PTPRN2: variants seen among roughly 807,000 people sequenced by gnomAD.
PTPRN2 encodes the protein receptor-type tyrosine-protein phosphatase N2.
A neutral mutation model predicts 118.8 loss-of-function variants in PTPRN2; 74 were observed. That is an observed-to-expected ratio of 0.62 (90% CI 0.52 to 0.76). The LOEUF (loss-of-function observed/expected upper bound fraction) is 0.76. Ranked by LOEUF, PTPRN2 falls within the 30% of genes least tolerant of loss-of-function variation. PTPRN2 has a pLI of 0.00. For missense variants in PTPRN2, 1,481 were observed against 1,394.4 expected (o/e 1.06, Z -0.99); for synonymous variants, 641 against 608.0 (o/e 1.05, Z -0.80).
chr7:158,117,844 A>T (rs1440160531), intron 9 of PTPRN2, among the ~76,000 whole-genome samples: 2 of 152,326 alleles, frequency 1.3e-5, no homozygotes, highest in Admixed American at 6.5e-5. Flanking sequence ...AAAAGTGAAG[A>T]AGAAATTAAG....
At chr7:158,576,037 GTTC>G (rs2129451783) in intron 1 of PTPRN2, among the ~76,000 whole-genome samples, 1 of 152,170 alleles carries the variant, frequency 6.6e-6, no homozygotes, top group Non-Finnish European at 1.5e-5. Context: ...TTTAAAAAAT[GTTC>G]TCTGAGTTTG....
chr7:158,314,903 G>A (rs1424942526), intron 3 of PTPRN2, among the ~76,000 whole-genome samples: 6 of 150,298 alleles, frequency 4.0e-5, no homozygotes, highest in African/African-American at 7.3e-5. Context: ...AAGGACAGAG[G>A]TGAACCCGGG....
At position 158,448,154 on chromosome 7, in the gene PTPRN2, C is replaced by T. The variant is rs556169273; in HGVS notation, c.163+41581G>A. 1.6e-4 allele frequency among the ~76,000 whole-genome samples: 25 copies of T among 152,338 alleles called. 1 individual carries two copies. The South Asian group carries it at 4.8e-3, about 29-fold the overall frequency. On this transcript the variant is annotated intron_variant, in intron 2 of 22. Coordinates refer to ENST00000389418, the MANE Select transcript of PTPRN2 (RefSeq NM_002847.5). ...GAATCTCACAGGGAAGGCCACAGGC[C>T]AGGTCGGCAACAACATGCCCCCAGC...
intron 11 of PTPRN2, among the ~76,000 whole-genome samples, chr7:157,908,329 C>G (rs977293920): frequency 1.3e-5 from 2 of 152,232 alleles, no homozygotes; most frequent in Non-Finnish European, 2.9e-5. Context: ...TCTGTGGAAG[C>G]CACGTGTTGC....
chr7:158,030,799 G>A (rs1807632137), intron 11 of PTPRN2: 1 of 152,376 alleles, frequency 6.6e-6, no homozygotes, highest in Admixed American at 6.5e-5. Flanking sequence ...GGCCTGGAGA[G>A]CTTTGCACTG....
At chr7:157,901,928 C>T (rs559169478) in intron 11 of PTPRN2, among the ~76,000 whole-genome samples, 9 of 137,660 alleles carry the variant, frequency 6.5e-5, no homozygotes, top group Non-Finnish European at 1.2e-4. Context: ...GGGGCCTTCC[C>T]GTCCGTGTTT....
Position 157,908,991 on chromosome 7 carries a change from G to A in PTPRN2, c.1724-10254C>T, listed in dbSNP as rs191473374. On this transcript the variant is annotated intron_variant, in intron 11 of 22. Transcript: ENST00000389418. The stretch of plus-strand genomic sequence containing the variant: ...AAAACACCCCAACTTTATGAAGATC[G>A]TCATTAAACAATCTAATTAGTGACT... Among the ~76,000 whole-genome samples the A allele has an allele frequency of 1.8e-4, 27 of 152,040 alleles. No individual in the cohort carries two copies. In the East Asian group the frequency reaches 3.5e-3, roughly 20 times the overall value.
At chr7:158,346,798 C>A (rs1219876135) in intron 2 of PTPRN2, among the ~76,000 whole-genome samples, 2 of 152,236 alleles carry the variant, frequency 1.3e-5, no homozygotes, top group Non-Finnish European at 2.9e-5. Flanking sequence ...GCCATTCTAA[C>A]AGGTGTGATA....
intron 13 of PTPRN2, among the ~76,000 whole-genome samples, chr7:157,668,708 A>C (rs1796259876): frequency 6.6e-6 from 1 of 152,206 alleles, no homozygotes; most frequent in African/African-American, 2.4e-5. Context: ...GGTGGCTCGA[A>C]TGTAAAACGG....
intron 2 of PTPRN2, among the ~76,000 whole-genome samples, chr7:158,440,955 G>GGGGT (rs1817005262): frequency 6.8e-6 from 1 of 147,290 alleles, no homozygotes; most frequent in Admixed American, 6.6e-5. Context: ...TGATGGTGAT[G>GGGGT]GGGTAGTAGT....
intron 2 of PTPRN2, among the ~76,000 whole-genome samples, chr7:158,400,910 C>T (rs1490999444): frequency 6.6e-6 from 1 of 152,116 alleles, no homozygotes; most frequent in Admixed American, 6.5e-5. Context: ...CGCATTCCCC[C>T]AGATCCTGTA....
chr7:158,246,224 A>G (rs968315125), intron 3 of PTPRN2, among the ~76,000 whole-genome samples: 5 of 152,048 alleles, frequency 3.3e-5, no homozygotes, highest in Admixed American at 2.0e-4. Flanking sequence ...AATACCCCAC[A>G]TGAATAAAAT....
chr7:157,985,944 A>T (rs1333963850), intron 11 of PTPRN2, among the ~76,000 whole-genome samples: 5 of 152,196 alleles, frequency 3.3e-5, no homozygotes, highest in Non-Finnish European at 5.9e-5. Context: ...GGCTGACGAG[A>T]CCCGGCCTCG....
chr7:157,651,350 A>G (rs975399679), intron 14 of PTPRN2, among the ~76,000 whole-genome samples: 6 of 152,216 alleles, frequency 3.9e-5, no homozygotes, highest in African/African-American at 1.4e-4. Flanking sequence ...GCGAACTCAA[A>G]GATCACTGTC....
At chr7:157,841,507 G>A (rs1808418250) in intron 12 of PTPRN2, among the ~76,000 whole-genome samples, 1 of 152,158 alleles carries the variant, frequency 6.6e-6, no homozygotes, top group Non-Finnish European at 1.5e-5. Context: ...TCCCCCAAAG[G>A]AACCCTAAAT....
intron 13 of PTPRN2, among the ~76,000 whole-genome samples, chr7:157,664,516 C>A (rs1796042325): frequency 6.6e-6 from 1 of 152,218 alleles, no homozygotes; most frequent in Non-Finnish European, 1.5e-5. Flanking sequence ...CCTGTAATCC[C>A]AGCACTTTGG....
intron 5 of PTPRN2, among the ~76,000 whole-genome samples, chr7:158,173,868 T>C (rs1449080344): frequency 6.6e-6 from 1 of 152,228 alleles, no homozygotes; most frequent in Non-Finnish European, 1.5e-5. Flanking sequence ...CCGCAGGCAG[T>C]CAGACCTTAA....
intron 3 of PTPRN2, 34 bp downstream of exon 3, chr7:158,316,785 G>A: frequency 6.6e-7 from 1 of 1,520,704 alleles, no homozygotes; most frequent in Non-Finnish European, 8.9e-7. Context: ...GCTCAGTGCG[G>A]CAGCCGCCGA....
In PTPRN2 at chr7:158,059,333, A is replaced by T. The variant is rs553606505; in HGVS notation, c.1723+21965T>A. Among the ~76,000 whole-genome samples the T allele has an allele frequency of 3.0e-3, 406 of 134,224 alleles. 7 individuals carry two copies. Among genetic ancestry groups the T allele is most frequent in the Non-Finnish European group, 5.3e-3 (349 of 65,630 alleles). 88.1% of individuals were successfully genotyped at this position (134,224 alleles called of 152,430 possible). A position where few individuals can be genotyped will look rare whatever the true frequency, so the allele number is the denominator to read the frequency against. On this transcript the variant is annotated intron_variant, in intron 11 of 22. Transcript: ENST00000389418. The stretch of plus-strand genomic sequence containing the variant: ...CTCCATCTGCACACAGTGACGCATC[A>T]CTGCAGCCACACTCCATCTGCACAC...
Sources: allele counts gnomAD v4.1 joint callset (sites outside exome capture counted in the v4.1 genomes callset), GRCh38; gene constraint gnomAD v4.1.1; transcripts MANE v1.5; gene names NCBI Gene and HGNC (gene_info 2026-07-23, HGNC 2026-07-21).